The following GLRB variants were observed in gnomAD, a reference collection of about 807,000 sequenced individuals.
The protein encoded by GLRB is glycine receptor beta.
Under a neutral mutation model 54.2 loss-of-function variants are expected in GLRB, and 33 were observed. That is an observed-to-expected ratio of 0.61 (90% confidence interval 0.46 to 0.81). The LOEUF (loss-of-function observed/expected upper bound fraction) is 0.81. Ranked by LOEUF, GLRB falls within the 40% of genes least tolerant of loss-of-function variation. The probability of loss-of-function intolerance (pLI) is 0.00; values close to 1 mark genes in which losing one functional copy is unlikely to be tolerated. For synonymous variants in GLRB, 209 were observed against 208.2 expected, an observed-to-expected ratio of 1.00 and a Z score of -0.03; for missense variants, 572 against 584.6, an observed-to-expected ratio of 0.98 and a Z score of 0.22.
chr4:157,122,935 C>T (rs1187176988), intron 4 of GLRB, among the ~76,000 whole-genome samples: 2 of 151,538 alleles, frequency 1.3e-5, no homozygotes, highest in Non-Finnish European at 3.0e-5. Context: ...CCGGGAAAGG[C>T]AGGTGAAGAC....
At chr4:157,162,591 C>T (rs1273864406) in intron 9 of GLRB, among the ~76,000 whole-genome samples, 3 of 152,142 alleles carry the variant, frequency 2.0e-5, no homozygotes, top group East Asian at 1.9e-4. Flanking sequence ...TGGAGTTTGC[C>T]GGAGGTCCAC....
At chr4:157,103,396 C>G (rs1280524757) in intron 2 of GLRB, among the ~76,000 whole-genome samples, 27 of 152,082 alleles carry the variant, frequency 1.8e-4, no homozygotes, top group Admixed American at 1.8e-3. Context: ...TACCTTGAGG[C>G]CAGTGCTTGT....
chr4:157,086,903 A>G (rs1162623644), intron 2 of GLRB, among the ~76,000 whole-genome samples: 1 of 152,088 alleles, frequency 6.6e-6, no homozygotes, highest in Non-Finnish European at 1.5e-5. Flanking sequence ...CCTGTTCTTG[A>G]TATTTCAGAA....
chr4:157,154,365 A>C (rs1214481452), intron 9 of GLRB, among the ~76,000 whole-genome samples: 1 of 123,726 alleles, frequency 8.1e-6, no homozygotes, highest in East Asian at 2.4e-4. Context: ...GGTTTTCTCT[A>C]TGTTTTATTT....
chr4:157,133,208 AC>A (rs1407801548), intron 4 of GLRB, among the ~76,000 whole-genome samples: 1 of 151,836 alleles, frequency 6.6e-6, no homozygotes, highest in Non-Finnish European at 1.5e-5. Context: ...AAAGTAATAA[AC>A]TTTTGTGAGT....
chr4:157,091,410 G>C (rs1197307135), intron 2 of GLRB: 1 of 152,082 alleles, frequency 6.6e-6, no homozygotes, highest in African/African-American at 2.4e-5. Context: ...TTATTTTCTT[G>C]ATTTGTGCTA....
intron 2 of GLRB, among the ~76,000 whole-genome samples, chr4:157,083,091 T>G (rs1219443254): frequency 1.3e-5 from 2 of 151,684 alleles, no homozygotes; most frequent in Non-Finnish European, 2.9e-5. Flanking sequence ...ATAGTAAAAC[T>G]ATTTTGCTAA....
At chr4:157,105,984 A>C (rs988282773) in intron 2 of GLRB, among the ~76,000 whole-genome samples, 1 of 152,092 alleles carries the variant, frequency 6.6e-6, no homozygotes, top group Non-Finnish European at 1.5e-5. Context: ...GATATTCTTT[A>C]TTAGACTATA....
In GLRB at chr4:157,138,836, T is replaced by A; in HGVS notation, c.638T>A (p.Phe213Tyr). ...GGTTACACAACTGATGATTTACGAT[T>A]TATCTGGCAGTCAGGAGATCCTGTG... ...SFGYTTDDLR[F>Y]IWQSGDPVQL... The change falls in exon 7 of 10, where the codon TTT becomes TAT. Residue 213 changes from phenylalanine to tyrosine, a missense_variant. By Grantham distance (22) the Phe-to-Tyr change is conservative. Transcript: ENST00000264428. 1 of 1,563,762 alleles carries A rather than the reference T, an allele frequency of 6.4e-7. No homozygotes were observed. The highest frequency in any genetic ancestry group is 8.8e-7 in the Non-Finnish European group (1 of 1,135,208).
chr4:157,102,676 T>G (rs1368961946), intron 2 of GLRB, among the ~76,000 whole-genome samples: 1 of 152,124 alleles, frequency 6.6e-6, no homozygotes, highest in African/African-American at 2.4e-5. Flanking sequence ...CAAGTACTTT[T>G]GATGGAGGGA....
rs192678541 is a variant in GLRB, at chr4:157,144,372, A to G, written c.904+413A>G. Among the ~76,000 whole-genome samples, 186 of 152,308 alleles carry G rather than the reference A, an allele frequency of 1.2e-3. 1 individual carries two copies. The highest frequency in any genetic ancestry group is 4.3e-3 in the African/African-American group (180 of 41,570). ...TAATCTAATTTACTTTTTAAAAATTACGAAAAATTATGTAACCATCATTTT... is the reference window on the plus strand; with the variant it reads ...TAATCTAATTTACTTTTTAAAAATTGCGAAAAATTATGTAACCATCATTTT... On this transcript the variant is annotated intron_variant, in intron 8 of 9. Coordinates refer to ENST00000264428, the MANE Select transcript of GLRB (RefSeq NM_000824.5).
Position 157,170,678 on chromosome 4 carries a change from C to G in GLRB, c.1444C>G (p.Pro482Ala), listed in dbSNP as rs1008987691. Residue 482 changes from proline to alanine, a missense_variant, in exon 10 of 10, where the codon CCT becomes GCT. By Grantham distance (27) the Pro-to-Ala change is conservative. Transcript: ENST00000264428. Reference protein sequence around the residue: ...RIDLYARALFPFCFLFFNVIY... With the variant: ...RIDLYARALFAFCFLFFNVIY... Reference sequence around the variant, plus strand: ...TGATCTTTATGCAAGAGCATTGTTTCCTTTCTGCTTCTTGTTCTTCAATGT... The same window carrying G: ...TGATCTTTATGCAAGAGCATTGTTTGCTTTCTGCTTCTTGTTCTTCAATGT... The G allele has an allele frequency of 1.6e-5, 25 of 1,603,104 alleles. No homozygotes were observed. Among genetic ancestry groups the G allele is most frequent in the Non-Finnish European group, 2.0e-5 (24 of 1,173,022 alleles).
chr4:157,109,565 A>G (rs1322891833), intron 2 of GLRB, among the ~76,000 whole-genome samples: 1 of 151,932 alleles, frequency 6.6e-6, no homozygotes, highest in Non-Finnish European at 1.5e-5. Context: ...TGTTTGTCCT[A>G]TAATTTATTT....
chr4:157,136,727 T>G, intron 5 of GLRB, 29 bp downstream of exon 5: 1 of 1,525,128 alleles, frequency 6.6e-7, no homozygotes, highest in Non-Finnish European at 9.1e-7. Context: ...TATTTGTGCA[T>G]TTATATTTTC....
At chr4:157,134,500 A>G (rs1491000100) in intron 4 of GLRB, among the ~76,000 whole-genome samples, 1 of 152,110 alleles carries the variant, frequency 6.6e-6, no homozygotes, top group Non-Finnish European at 1.5e-5. Flanking sequence ...AAAAAATAAA[A>G]ATAAAAATCT....
chr4:157,078,326 C>A, intron 2 of GLRB, 180 bp downstream of exon 2: 1 of 579,702 alleles, frequency 1.7e-6, no homozygotes, highest in Non-Finnish European at 2.2e-6. Flanking sequence ...AATTAATTCC[C>A]AATGTTCAAG....
At chr4:157,127,637 T>C (rs1011055789) in intron 4 of GLRB, among the ~76,000 whole-genome samples, 3 of 151,782 alleles carry the variant, frequency 2.0e-5, no homozygotes, top group Admixed American at 1.3e-4. Context: ...GTGTAATTGA[T>C]AGCGTTCTTG....
intron 7 of GLRB, among the ~76,000 whole-genome samples, chr4:157,143,041 T>A (rs1465712539): frequency 6.6e-6 from 1 of 152,106 alleles, no homozygotes; most frequent in Non-Finnish European, 1.5e-5. Flanking sequence ...TGCCTGTAAT[T>A]GGTGATTAAT....
intron 2 of GLRB, among the ~76,000 whole-genome samples, chr4:157,109,757 C>A (rs1189224491): frequency 1.3e-5 from 2 of 152,022 alleles, no homozygotes; most frequent in African/African-American, 2.4e-5. Flanking sequence ...TATGCTAGAG[C>A]AGCTCACAGA....
Sources: gnomAD v4.1 joint callset for allele counts (sites outside exome capture counted in the v4.1 genomes callset) on GRCh38, gnomAD v4.1.1 for gene constraint, MANE v1.5 for transcripts, NCBI Gene and HGNC (gene_info 2026-07-23, HGNC 2026-07-21) for gene names.